RAPGEF1: variants seen among roughly 807,000 people sequenced by gnomAD.
The protein encoded by RAPGEF1 is Rap guanine nucleotide exchange factor 1, also known as CRK SH3-binding GNRP.
In RAPGEF1, 33 loss-of-function variants were observed where a neutral mutation model predicts 143.3. That is an observed-to-expected ratio of 0.23 (90% CI 0.17 to 0.31). The LOEUF is 0.31. Ranked by LOEUF, RAPGEF1 falls within the 10% of genes least tolerant of loss-of-function variation. The probability of loss-of-function intolerance (pLI) is 1.00; values close to 1 mark genes in which losing one functional copy is unlikely to be tolerated. For synonymous variants in RAPGEF1, 629 were observed against 676.5 expected, an observed-to-expected ratio of 0.93 and a Z score of 1.09; for missense variants, 1,199 against 1,645.4, an observed-to-expected ratio of 0.73 and a Z score of 4.69.
At chr9:131,666,710 A>G (rs1227703367) in intron 1 of RAPGEF1, among the ~76,000 whole-genome samples, 2 of 152,180 alleles carry the variant, frequency 1.3e-5, no homozygotes, top group Non-Finnish European at 2.9e-5. Flanking sequence ...AATTGACCCA[A>G]TTTATCTAAA....
intron 1 of RAPGEF1, among the ~76,000 whole-genome samples, chr9:131,728,103 G>A (rs7024279): frequency 1.6e-4 from 24 of 152,164 alleles, no homozygotes; most frequent in Non-Finnish European, 3.1e-4. Flanking sequence ...TCACATACCC[G>A]AAATTCCCAG....
In RAPGEF1 at chr9:131,589,818, G is replaced by A. The variant is rs1340181324; in HGVS notation, c.2867+68C>T. ...AGCTCTGCCCAGAGCCGATGGGCAG[G>A]AGAAGCAGGTGGAATGGAGCCTTTG... On this transcript the variant is annotated intron_variant, in intron 19 of 26. Transcript: ENST00000683357. 5.6e-6 allele frequency: 8 copies of A among 1,439,778 alleles called. No homozygotes were observed. The African/African-American group carries it at 5.6e-5, about 10-fold the overall frequency. The allele number at this position is 1,439,778 out of a possible 1,614,324, so 89.2% of individuals were successfully genotyped here.
intron 9 of RAPGEF1, among the ~76,000 whole-genome samples, chr9:131,627,212 TCAAAAA>T (rs1341172410): frequency 2.9e-5 from 1 of 34,546 alleles, no homozygotes; most frequent in African/African-American, 1.6e-4. Context: ...AGGCTCTGTC[TCAAAAA>T]AAAAAAAAAA....
rs866977900 is a variant in RAPGEF1, at chr9:131,684,460, C to G, written c.62-33511G>C. 2.0e-5 allele frequency among the ~76,000 whole-genome samples: 3 copies of G among 152,214 alleles called. No homozygotes were observed. In the South Asian group the frequency reaches 6.2e-4, roughly 31 times the overall value. The stretch of plus-strand genomic sequence containing the variant: ...TTAAAGATATTACTAGTATCCCATA[C>G]AATTCTCAAGGACAAGCCATAGTGG... On this transcript the variant is annotated intron_variant, in intron 1 of 26. Coordinates refer to ENST00000683357, the MANE Select transcript of RAPGEF1 (RefSeq NM_001377935.1).
At chr9:131,632,941 C>T (rs1008615500) in intron 5 of RAPGEF1, among the ~76,000 whole-genome samples, 1 of 152,204 alleles carries the variant, frequency 6.6e-6, no homozygotes, top group Non-Finnish European at 1.5e-5. Context: ...CTCTTGGGCT[C>T]AAGTGATCCT....
At chr9:131,739,431 G>A (rs1837611038) in intron 1 of RAPGEF1, among the ~76,000 whole-genome samples, 2 of 152,152 alleles carry the variant, frequency 1.3e-5, no homozygotes, top group African/African-American at 2.4e-5. Context: ...TGCAGCCGCA[G>A]CAGCACGCGG....
At chr9:131,618,131 A>T (rs1959364758) in intron 12 of RAPGEF1, among the ~76,000 whole-genome samples, 2 of 152,246 alleles carry the variant, frequency 1.3e-5, no homozygotes, top group Admixed American at 1.3e-4. Flanking sequence ...CTTGTAATTT[A>T]ACTGAGCAAA....
rs1959884128 is a variant in RAPGEF1 at position 131,619,090 on chromosome 9, G to C, written c.2022C>G (p.Asn674Lys). The change falls in exon 12 of 27, where the codon AAC becomes AAG. Residue 674 changes from asparagine (N) to lysine (K), a missense_variant. By Grantham distance (94) the Asn-to-Lys change is moderately conservative (BLOSUM62 0). Coordinates refer to ENST00000683357, the MANE Select transcript of RAPGEF1 (RefSeq NM_001377935.1). ...AAQGLSVSVS[N>K]SFLSRHGSLP... is the part of the protein sequence containing the mutation. Reference sequence around the variant, plus strand: ...AGCTGCCGTGCCGGCTGAGAAAGGAGTTAGAGACGGACACACTGAGGCCCT... The same window carrying C: ...AGCTGCCGTGCCGGCTGAGAAAGGACTTAGAGACGGACACACTGAGGCCCT... The C allele has an allele frequency of 3.7e-6, 5 of 1,356,488 alleles. No homozygotes were observed. Among genetic ancestry groups the C allele is most frequent in the Non-Finnish European group, 4.9e-6 (5 of 1,017,646 alleles). 84.0% of individuals were successfully genotyped at this position (1,356,488 alleles called of 1,614,324 possible). A position where few individuals can be genotyped will look rare whatever the true frequency, so the allele number is the denominator to read the frequency against.
At chr9:131,690,506 T>C (rs1389434050) in intron 1 of RAPGEF1, among the ~76,000 whole-genome samples, 2 of 152,164 alleles carry the variant, frequency 1.3e-5, no homozygotes, top group East Asian at 1.9e-4. Flanking sequence ...ATATCAAAAG[T>C]ACACTGATGG....
intron 1 of RAPGEF1, among the ~76,000 whole-genome samples, chr9:131,656,528 G>C (rs989675750): frequency 2.0e-5 from 3 of 152,180 alleles, no homozygotes; most frequent in South Asian, 2.1e-4. Context: ...GACACAAATG[G>C]GGAAGTCTGG....
chr9:131,708,729 T>TTTTC (rs71501266), intron 1 of RAPGEF1, among the ~76,000 whole-genome samples: 130,188 of 150,492 alleles, frequency 0.87, 56,996 homozygotes, highest in Non-Finnish European at 0.93. Context: ...GGATATTTCT[T>TTTTC]TTTCTTTCTT....
At chr9:131,731,697 G>A (rs937782604) in intron 1 of RAPGEF1, among the ~76,000 whole-genome samples, 3 of 152,164 alleles carry the variant, frequency 2.0e-5, no homozygotes, top group Admixed American at 6.5e-5. Flanking sequence ...ACCCAGCCCT[G>A]GGCAAACCAC....
chr9:131,671,604 A>G (rs62581456), intron 1 of RAPGEF1, among the ~76,000 whole-genome samples: 6,687 of 152,272 alleles, frequency 0.044, 264 homozygotes, highest in East Asian at 0.12. Flanking sequence ...ACCCAGGGCT[A>G]TGGCACACTG....
chr9:131,680,052 G>A (rs1185615755), intron 1 of RAPGEF1, among the ~76,000 whole-genome samples: 1 of 152,206 alleles, frequency 6.6e-6, no homozygotes, highest in African/African-American at 2.4e-5. Context: ...TAAAATCAAA[G>A]CACATTTATA....
intron 1 of RAPGEF1, among the ~76,000 whole-genome samples, chr9:131,657,056 T>A (rs1972666108): frequency 6.6e-6 from 1 of 152,256 alleles, no homozygotes; most frequent in African/African-American, 2.4e-5. Flanking sequence ...GTTTGTCACA[T>A]CCTTCTTGAA....
intron 7 of RAPGEF1, 71 bp downstream of exon 7, chr9:131,629,031 C>G: frequency 6.4e-7 from 1 of 1,550,742 alleles, no homozygotes; most frequent in Non-Finnish European, 8.7e-7. Flanking sequence ...GGAAAGGGCC[C>G]GAGCCCTGTC....
intron 1 of RAPGEF1, among the ~76,000 whole-genome samples, chr9:131,679,173 G>C (rs114832885): frequency 6.7e-6 from 1 of 148,402 alleles, no homozygotes; most frequent in Non-Finnish European, 1.5e-5. Context: ...ACAAGGGGGG[G>C]GCCACAAGCA....
chr9:131,689,111 T>C (rs925196377), intron 1 of RAPGEF1, among the ~76,000 whole-genome samples: 1 of 152,212 alleles, frequency 6.6e-6, no homozygotes, highest in Non-Finnish European at 1.5e-5. Context: ...CTTAGGGTGA[T>C]GGAACAGAAA....
chr9:131,706,187 T>C (rs1291151616), intron 1 of RAPGEF1, among the ~76,000 whole-genome samples: 2 of 151,936 alleles, frequency 1.3e-5, no homozygotes, highest in Non-Finnish European at 2.9e-5. Flanking sequence ...CCTGGGGCCA[T>C]CATCCACCCA....
Sources: allele counts gnomAD v4.1 joint callset (sites outside exome capture counted in the v4.1 genomes callset), GRCh38; gene constraint gnomAD v4.1.1; transcripts MANE v1.5; gene names NCBI Gene and HGNC (gene_info 2026-07-23, HGNC 2026-07-21).